The following FILIP1 variants were observed in gnomAD, a reference collection of about 807,000 sequenced individuals.
The protein encoded by FILIP1 is filamin A interacting protein 1.
Under a neutral mutation model 102.1 loss-of-function variants are expected in FILIP1, and 61 were observed. The ratio of observed to expected loss-of-function variants is 0.60; its 90% CI spans 0.49 to 0.74. The LOEUF is 0.74. FILIP1 is among the 30% of genes least tolerant of loss of function. The pLI is 0.00. For missense variants in FILIP1, 1,314 were observed against 1,441.2 expected, an observed-to-expected ratio of 0.91 and a Z score of 1.43; for synonymous variants, 491 against 526.9, an observed-to-expected ratio of 0.93 and a Z score of 0.93.
chr6:75,376,905 C>G (rs1775769991), intron 2 of FILIP1, among the ~76,000 whole-genome samples: 1 of 152,152 alleles, frequency 6.6e-6, no homozygotes, highest in Non-Finnish European at 1.5e-5. Flanking sequence ...TTGGACTACA[C>G]TGTGTAGAGT....
At chr6:75,410,770 T>A (rs1022356542) in intron 2 of FILIP1, among the ~76,000 whole-genome samples, 1 of 152,220 alleles carries the variant, frequency 6.6e-6, no homozygotes, top group South Asian at 2.1e-4. Flanking sequence ...GGTGTATATG[T>A]GCCACATTTT....
chr6:75,460,749 G>T (rs983429482), intron 1 of FILIP1, among the ~76,000 whole-genome samples: 1 of 152,152 alleles, frequency 6.6e-6, no homozygotes, highest in South Asian at 2.1e-4. Flanking sequence ...CATCTCAGAA[G>T]ATAACCAAGA....
intron 2 of FILIP1, among the ~76,000 whole-genome samples, chr6:75,381,464 G>A (rs578151698): frequency 1.6e-4 from 24 of 152,156 alleles, no homozygotes; most frequent in Middle Eastern, 3.4e-3. Flanking sequence ...TCCTGACCTC[G>A]TTATCTGCCC....
chr6:75,367,175 TATTA>T (rs1329363404), intron 2 of FILIP1, among the ~76,000 whole-genome samples: 1 of 152,216 alleles, frequency 6.6e-6, no homozygotes, highest in African/African-American at 2.4e-5. Context: ...GCTTGAACTG[TATTA>T]ATTGTGATAT....
At chr6:75,484,031 G>GA (rs1049915271) in intron 1 of FILIP1, among the ~76,000 whole-genome samples, 1 of 152,108 alleles carries the variant, frequency 6.6e-6, no homozygotes, top group Non-Finnish European at 1.5e-5. Context: ...TTGTGTGATA[G>GA]AAAAAAGTAA....
Position 75,308,556 on chromosome 6 carries a change from T to C in FILIP1, c.*135A>G. The C allele has an allele frequency of 2.0e-6, 3 of 1,489,278 alleles. No individual in the cohort carries two copies. The highest frequency in any genetic ancestry group is 2.7e-6 in the Non-Finnish European group (3 of 1,125,340). 92.3% of individuals were successfully genotyped at this position (1,489,278 alleles called of 1,614,324 possible). ...TGCACAAAATGGGAAAGACAAATGG[T>C]TATTAGTTGGTTATTTTATAAACAC... On this transcript the variant is annotated 3_prime_UTR_variant, in exon 6 of 6. Coordinates refer to ENST00000237172, the MANE Select transcript of FILIP1 (RefSeq NM_015687.5).
At chr6:75,456,685 G>A (rs1778840663) in intron 1 of FILIP1, among the ~76,000 whole-genome samples, 1 of 151,248 alleles carries the variant, frequency 6.6e-6, no homozygotes, top group African/African-American at 2.4e-5. Flanking sequence ...TCAGCATCCT[G>A]AGTAACTGGG....
At chr6:75,297,154 T>C (rs1772704287) in intron 6 of FILIP1, among the ~76,000 whole-genome samples, 2 of 152,102 alleles carry the variant, frequency 1.3e-5, no homozygotes, top group African/African-American at 4.8e-5. Flanking sequence ...AAACTTAGGG[T>C]TTATCAATAA....
intron 1 of FILIP1, among the ~76,000 whole-genome samples, chr6:75,433,795 T>C (rs1356049680): frequency 6.6e-6 from 1 of 152,208 alleles, no homozygotes; most frequent in African/African-American, 2.4e-5. Flanking sequence ...TTGCCTAGGT[T>C]TTCTTCTAGG....
At chr6:75,492,382 T>A (rs1779987586) in intron 1 of FILIP1, among the ~76,000 whole-genome samples, 1 of 152,312 alleles carries the variant, frequency 6.6e-6, no homozygotes, top group South Asian at 2.1e-4. Flanking sequence ...CCAATTAAAA[T>A]GTGCTTCTAT....
In FILIP1 at chr6:75,416,533, G is replaced by GT. The variant is rs1342710291; in HGVS notation, c.-6-1556dup. Among the ~76,000 whole-genome samples the GT allele has an allele frequency of 2.0e-5, 3 of 148,188 alleles. No individual in the cohort carries two copies. In the East Asian group the frequency reaches 6.0e-4, roughly 29 times the overall value. On this transcript the variant is annotated intron_variant, in intron 1 of 5. Transcript: ENST00000237172. ...CAGGGCACTTTGGAACAAACCTACT[G>GT]TATTTTATCACAGCTTATTTGTGGG...
At chr6:75,372,720 AAG>A (rs1187381016) in intron 2 of FILIP1, among the ~76,000 whole-genome samples, 1,693 of 55,168 alleles carry the variant, frequency 0.031, 59 homozygotes, top group East Asian at 0.037. Context: ...AAAGGAAAGA[AAG>A]AGAAAGAGAA....
intron 2 of FILIP1, among the ~76,000 whole-genome samples, chr6:75,380,321 A>G (rs751358316): frequency 0.053 from 8,070 of 152,164 alleles, 289 homozygotes; most frequent in Non-Finnish European, 0.076. Context: ...CAAAAGAAAA[A>G]TGCCTGAAAG....
intron 2 of FILIP1, among the ~76,000 whole-genome samples, chr6:75,413,436 A>G (rs1777142693): frequency 6.6e-6 from 1 of 152,126 alleles, no homozygotes; most frequent in Non-Finnish European, 1.5e-5. Context: ...TGAAATGCCA[A>G]TGTGATTTTT....
At chr6:75,479,143 T>C (rs1051957622) in intron 1 of FILIP1, among the ~76,000 whole-genome samples, 7 of 152,192 alleles carry the variant, frequency 4.6e-5, no homozygotes, top group African/African-American at 1.4e-4. Flanking sequence ...AGAAGTATAT[T>C]GGCTGTTTTT....
chr6:75,489,649 A>G (rs571003699), intron 1 of FILIP1, among the ~76,000 whole-genome samples: 1 of 152,174 alleles, frequency 6.6e-6, no homozygotes, highest in East Asian at 1.9e-4. Flanking sequence ...TAATTTGCCT[A>G]AGGTCACCTT....
chr6:75,295,980 C>A, intron 6 of FILIP1: 2 of 1,390,506 alleles, frequency 1.4e-6, no homozygotes, highest in Admixed American at 3.3e-5. Context: ...ATGGCATTTT[C>A]AATTAAACTG....
chr6:75,348,248 G>T (rs1478531113), intron 4 of FILIP1, among the ~76,000 whole-genome samples: 1 of 152,190 alleles, frequency 6.6e-6, no homozygotes, highest in Non-Finnish European at 1.5e-5. Context: ...AGACTCTGAA[G>T]GTGATCTCAT....
Position 75,353,634 on chromosome 6 carries a change from G to A in FILIP1, c.534C>T (p.Arg178=), listed in dbSNP as rs1440763936. ...QLLLAEKCHR[R]TVYELENEKH... ...TCTCGTTCTCTAACTCGTATACGGTGCGCCTATGACACTTCTCGGCCAGCA... is the reference window on the plus strand; with the variant it reads ...TCTCGTTCTCTAACTCGTATACGGTACGCCTATGACACTTCTCGGCCAGCA... The change falls in exon 4 of 6, where the codon CGC becomes CGT. Residue 178 remains arginine (R), a synonymous_variant. Transcript: ENST00000237172. 2 of 1,614,158 alleles carry A rather than the reference G, an allele frequency of 1.2e-6. No individual in the cohort carries two copies. The highest frequency in any genetic ancestry group is 1.7e-6 in the Non-Finnish European group (2 of 1,180,030).
Sources: allele counts gnomAD v4.1 joint callset (sites outside exome capture counted in the v4.1 genomes callset), GRCh38; gene constraint gnomAD v4.1.1; transcripts MANE v1.5; gene names NCBI Gene and HGNC (gene_info 2026-07-23, HGNC 2026-07-21).